Variants in PAG1 observed in about 807,000 individuals in gnomAD.
PAG1 encodes the protein phosphoprotein associated with glycosphingolipid-enriched microdomains 1.
A neutral mutation model predicts 31.7 loss-of-function variants in PAG1; 23 were observed. That is an observed-to-expected ratio of 0.73 (90% confidence interval 0.52 to 1.03). The LOEUF is 1.03. Ranked by LOEUF, PAG1 falls within the 50% of genes least tolerant of loss-of-function variation. The probability of loss-of-function intolerance (pLI) is 0.00; values close to 1 mark genes in which losing one functional copy is unlikely to be tolerated. For missense variants in PAG1, 473 were observed against 540.7 expected, an observed-to-expected ratio of 0.87 and a Z score of 1.24; for synonymous variants, 214 against 210.3, an observed-to-expected ratio of 1.02 and a Z score of -0.15.
chr8:81,040,522 C>T (rs73279918), intron 2 of PAG1, among the ~76,000 whole-genome samples: 1 of 152,044 alleles, frequency 6.6e-6, no homozygotes, highest in Non-Finnish European at 1.5e-5. Flanking sequence ...TGCCATGTCC[C>T]GATGAGGCAT....
intron 1 of PAG1, among the ~76,000 whole-genome samples, chr8:81,080,363 T>G (rs1809245884): frequency 6.6e-6 from 1 of 152,098 alleles, no homozygotes; most frequent in African/African-American, 2.4e-5. Flanking sequence ...GAACTTTAAG[T>G]AGTTTATAAT....
chr8:81,087,690 C>T (rs1423162459), intron 1 of PAG1, among the ~76,000 whole-genome samples: 1 of 152,148 alleles, frequency 6.6e-6, no homozygotes, highest in Non-Finnish European at 1.5e-5. Context: ...ACTTGACTTG[C>T]ACAAAGTTAC....
At chr8:81,054,155 G>A (rs183325851) in intron 2 of PAG1, among the ~76,000 whole-genome samples, 29 of 152,270 alleles carry the variant, frequency 1.9e-4, no homozygotes, top group African/African-American at 5.8e-4. Flanking sequence ...ACATATGTAC[G>A]TAAGGCAAAT....
intron 2 of PAG1, among the ~76,000 whole-genome samples, chr8:81,063,773 G>A (rs1808958441): frequency 6.6e-6 from 1 of 152,120 alleles, no homozygotes. Context: ...TGATTTTATT[G>A]GGGAACTTAC....
rs116344283 is a variant in PAG1, at chr8:81,046,660, G to A, written c.-174-16571C>T. ...GATTGTGACCACTCTTGGAAGCCCC[G>A]TTTCTAAGGTCTTTTTTTTAAATTT... On this transcript the variant is annotated intron_variant, in intron 2 of 8. Coordinates refer to ENST00000220597, the MANE Select transcript of PAG1 (RefSeq NM_018440.4). 3.5e-3 allele frequency among the ~76,000 whole-genome samples: 531 copies of A among 152,222 alleles called. 2 individuals carry two copies. Among genetic ancestry groups the A allele is most frequent in the African/African-American group, 0.012 (496 of 41,540 alleles).
At position 80,985,223 on chromosome 8, in the gene PAG1, A is replaced by T; in HGVS notation, c.429T>A (p.Asp143Glu). The change falls in exon 7 of 9, where the codon GAT (aspartate) becomes GAA (glutamate). Residue 143 changes from aspartate (D) to glutamate (E), a missense_variant. Coordinates refer to ENST00000220597, the MANE Select transcript of PAG1 (RefSeq NM_018440.4). ...CCACACTTCTCGCCGTGAGCATGGTATCCACTGCGCTCTCGGGAGGGATTC... is the reference window on the plus strand; with the variant it reads ...CCACACTTCTCGCCGTGAGCATGGTTTCCACTGCGCTCTCGGGAGGGATTC... ...LPRIPPESAV[D>E]TMLTARSVDG... The T allele has an allele frequency of 6.2e-7, 1 of 1,613,964 alleles. No individual in the cohort carries two copies. Among genetic ancestry groups the T allele is most frequent in the Non-Finnish European group, 8.5e-7 (1 of 1,179,988 alleles).
chr8:81,066,993 T>G (rs916379658), intron 2 of PAG1, among the ~76,000 whole-genome samples: 3 of 152,118 alleles, frequency 2.0e-5, no homozygotes, highest in African/African-American at 7.2e-5. Context: ...AGACCCCATC[T>G]CTACAAAAAA....
intron 3 of PAG1, among the ~76,000 whole-genome samples, chr8:81,018,533 G>A (rs1340673936): frequency 6.6e-6 from 1 of 152,232 alleles, no homozygotes; most frequent in Admixed American, 6.5e-5. Flanking sequence ...GACCCAATGG[G>A]AGGTGATTGA....
At chr8:81,061,721 A>T (rs1808919970) in intron 2 of PAG1, among the ~76,000 whole-genome samples, 1 of 152,198 alleles carries the variant, frequency 6.6e-6, no homozygotes, top group South Asian at 2.1e-4. Context: ...CTGACAAAAG[A>T]CTAGCACCAA....
chr8:81,057,609 T>C (rs992669963), intron 2 of PAG1, among the ~76,000 whole-genome samples: 1 of 151,648 alleles, frequency 6.6e-6, no homozygotes, highest in African/African-American at 2.4e-5. Flanking sequence ...GAGATATACC[T>C]AATGCAAATG....
intron 2 of PAG1, among the ~76,000 whole-genome samples, chr8:81,067,268 G>A (rs929869250): frequency 1.3e-5 from 2 of 152,176 alleles, no homozygotes; most frequent in African/African-American, 4.8e-5. Flanking sequence ...GATTCACAAG[G>A]AAACTTTTTT....
At chr8:80,986,140 A>G (rs1267828259) in intron 6 of PAG1, among the ~76,000 whole-genome samples, 4 of 152,234 alleles carry the variant, frequency 2.6e-5, no homozygotes, top group African/African-American at 4.8e-5. Context: ...ACACAAAGTA[A>G]GCAAGTTATT....
At chr8:81,086,358 T>G (rs1809356878) in intron 1 of PAG1, among the ~76,000 whole-genome samples, 2 of 152,170 alleles carry the variant, frequency 1.3e-5, no homozygotes, top group Admixed American at 1.3e-4. Flanking sequence ...CTAAATCAAT[T>G]TATTACTGAG....
intron 3 of PAG1, among the ~76,000 whole-genome samples, chr8:81,024,341 A>T (rs944334738): frequency 2.6e-5 from 4 of 152,138 alleles, no homozygotes; most frequent in African/African-American, 9.7e-5. Context: ...AACTGATGTG[A>T]GGATGCACAA....
intron 2 of PAG1, among the ~76,000 whole-genome samples, chr8:81,053,951 A>G (rs1452963989): frequency 2.0e-5 from 3 of 152,320 alleles, no homozygotes; most frequent in East Asian, 3.9e-4. Context: ...GATCTCTCAC[A>G]TCTACTCACC....
intron 2 of PAG1, among the ~76,000 whole-genome samples, chr8:81,063,889 G>C (rs957005694): frequency 6.6e-6 from 1 of 152,170 alleles, no homozygotes; most frequent in Non-Finnish European, 1.5e-5. Flanking sequence ...ACATGCTCCA[G>C]AGGAAATGAG....
rs376828184 is a variant in PAG1, at chr8:81,035,203, A to G, written c.-174-5114T>C. On this transcript the variant is annotated intron_variant, in intron 2 of 8. Coordinates refer to ENST00000220597, the MANE Select transcript of PAG1 (RefSeq NM_018440.4). ...TAGCCACTGAGCAGCTACTCAGAGT[A>G]AGAGCCACAGTTCTCAAGAAGATCA... Among the ~76,000 whole-genome samples, 62 of 152,272 alleles carry G rather than the reference A, an allele frequency of 4.1e-4. No homozygotes were observed. In the East Asian group the frequency reaches 8.3e-3, roughly 20 times the overall value.
Position 80,976,553 on chromosome 8 carries a change from G to A in PAG1, c.1290C>T (p.Thr430=), listed in dbSNP as rs774650711. Residue 430 remains threonine (T), a synonymous_variant, in exon 9 of 9, where the codon ACC becomes ACT. Transcript: ENST00000220597. ...GTTGTCTTCTGGGTTGCTAGAGCCT[G>A]GTAATATCTCTGCCTTGCTGCAAGT... is the stretch of plus-strand genomic sequence containing the variant. ...ISDLQQGRDI[T]RL is the part of the protein sequence containing the mutation. 14 of 1,611,356 alleles carry A rather than the reference G, an allele frequency of 8.7e-6. No homozygotes were observed. The East Asian group carries it at 2.9e-4, about 33-fold the overall frequency.
At chr8:80,977,617 A>G (rs192032241) in intron 8 of PAG1, among the ~76,000 whole-genome samples, 1 of 152,200 alleles carries the variant, frequency 6.6e-6, no homozygotes, top group Non-Finnish European at 1.5e-5. Flanking sequence ...TTAAACAGAC[A>G]TTGACAGTCC....
Sources: allele counts gnomAD v4.1 joint callset (sites outside exome capture counted in the v4.1 genomes callset), GRCh38; gene constraint gnomAD v4.1.1; transcripts MANE v1.5; gene names NCBI Gene and HGNC (gene_info 2026-07-23, HGNC 2026-07-21).